AVEN: variants seen among roughly 807,000 people sequenced by gnomAD.
The protein encoded by AVEN is cell death regulator Aven.
A neutral mutation model predicts 38.1 loss-of-function variants in AVEN; 41 were observed. That is an observed-to-expected ratio of 1.08 (90% CI 0.84 to 1.40). The LOEUF (loss-of-function observed/expected upper bound fraction) is 1.40. Ranked by LOEUF, AVEN falls within the 40% of genes most tolerant of loss-of-function variation. The pLI is 0.00. For missense variants in AVEN, 605 were observed against 438.8 expected, an observed-to-expected ratio of 1.38 and a Z score of -3.38; for synonymous variants, 206 against 171.8, an observed-to-expected ratio of 1.20 and a Z score of -1.56.
chr15:33,995,341 T>G (rs1440164326), intron 2 of AVEN, among the ~76,000 whole-genome samples: 1 of 152,188 alleles, frequency 6.6e-6, no homozygotes, highest in African/African-American at 2.4e-5. Flanking sequence ...AATAATACAG[T>G]ATAACTTTAC....
intron 2 of AVEN, among the ~76,000 whole-genome samples, chr15:33,923,879 C>A (rs1449366957): frequency 6.6e-6 from 1 of 151,436 alleles, no homozygotes; most frequent in African/African-American, 2.4e-5. Flanking sequence ...TTATGAGAAT[C>A]TAATGCCTGA....
chr15:34,046,395 T>C (rs1413437730), intron 5 of AVEN: 1 of 149,710 alleles, frequency 6.7e-6, no homozygotes, highest in Non-Finnish European at 1.5e-5. Flanking sequence ...TAAAGGCTAA[T>C]TATATTAATT....
In AVEN at chr15:34,002,931, G is replaced by T. The variant is rs187450705; in HGVS notation, c.445+101C>A. 3.5e-4 allele frequency: 384 copies of T among 1,097,846 alleles called. 3 individuals carry two copies. In the African/African-American group the frequency reaches 5.6e-3, roughly 16 times the overall value. 68.0% of individuals were successfully genotyped at this position (1,097,846 alleles called of 1,614,324 possible). On this transcript the variant is annotated intron_variant, in intron 2 of 5. Transcript: ENST00000306730. ...TTGAATTAAAAATCCAAAGAACAAA[G>T]GATAAATTGCTAGTTATAAAAGTAG...
chr15:33,996,875 T>C (rs1314167162), intron 2 of AVEN, among the ~76,000 whole-genome samples: 1 of 152,114 alleles, frequency 6.6e-6, no homozygotes, highest in African/African-American at 2.4e-5. Flanking sequence ...CTGACAGAAG[T>C]AGGCTTCGGA....
chr15:33,867,377 G>C, intron 5 of AVEN, 118 bp downstream of exon 5: 3 of 1,375,658 alleles, frequency 2.2e-6, no homozygotes, highest in South Asian at 3.0e-5. Context: ...GATGTCAGTG[G>C]ACAACACTGG....
chr15:34,014,208 TGAAAAA>T (rs1897764510), intron 1 of AVEN, among the ~76,000 whole-genome samples: 1 of 150,992 alleles, frequency 6.6e-6, no homozygotes, highest in Admixed American at 6.6e-5. Flanking sequence ...ACTAAAAATA[TGAAAAA>T]TTAGCCAGGC....
At chr15:33,888,851 A>T (rs1240417300) in intron 2 of AVEN, among the ~76,000 whole-genome samples, 2 of 152,050 alleles carry the variant, frequency 1.3e-5, no homozygotes, top group Admixed American at 6.6e-5. Context: ...CCCTGGTTCA[A>T]GTGATTCTCC....
In AVEN at chr15:33,986,108, TTTG is replaced by T. The variant is rs1243306135; in HGVS notation, c.445+16921_445+16923del. On this transcript the variant is annotated intron_variant, in intron 2 of 5. Transcript: ENST00000306730. Reference sequence around the variant, plus strand: ...TCACTGTAAATTTTTTTTTTTGTTTTTTGTTTTTTGTTTTTTGAGATGGACTCT... The same window carrying T: ...TCACTGTAAATTTTTTTTTTTGTTTTTTTTTTGTTTTTTGAGATGGACTCT... Among the ~76,000 whole-genome samples, 9 of 2,540 alleles carry T rather than the reference TTTG, an allele frequency of 3.5e-3. No individual in the cohort carries two copies. In the South Asian group the frequency reaches 0.12, roughly 33 times the overall value. 1.7% of individuals were successfully genotyped at this position (2,540 alleles called of 152,430 possible). A position where few individuals can be genotyped will look rare whatever the true frequency, so the allele number is the denominator to read the frequency against.
chr15:33,890,111 G>C (rs1891873216), intron 2 of AVEN, among the ~76,000 whole-genome samples: 1 of 152,220 alleles, frequency 6.6e-6, no homozygotes, highest in Admixed American at 6.5e-5. Context: ...GTTCATTGAT[G>C]CAAAACATTT....
At position 33,860,886 on chromosome 15, in the gene AVEN, A is replaced by G. The variant is rs191934899; in HGVS notation, n.2730-1792T>C. ...GAGGGAGCAGTATCCTCAGCTAATC[A>G]GGAGCTAAGTGTATGGCACTACTGA... On this transcript the variant is annotated intron_variant and non_coding_transcript_variant, in intron 11 of 11. Transcript: ENST00000675287. 2.9e-3 allele frequency among the ~76,000 whole-genome samples: 437 copies of G among 151,876 alleles called. 2 individuals are homozygous for G. Among genetic ancestry groups the G allele is most frequent in the Non-Finnish European group, 4.9e-3 (334 of 67,976 alleles).
At chr15:34,068,051 G>A (rs1376751555) in intron 2 of AVEN, among the ~76,000 whole-genome samples, 1 of 152,104 alleles carries the variant, frequency 6.6e-6, no homozygotes, top group Admixed American at 6.6e-5. Context: ...GTAATAAGAA[G>A]AACTCCTAAT....
chr15:33,960,062 G>A (rs1295600741), intron 2 of AVEN, among the ~76,000 whole-genome samples: 1 of 152,144 alleles, frequency 6.6e-6, no homozygotes, highest in African/African-American at 2.4e-5. Flanking sequence ...ACCCTTCAGA[G>A]CCTCAACTTC....
downstream of AVEN, among the ~76,000 whole-genome samples, chr15:33,862,644 TC>T (rs1888751878): frequency 6.6e-6 from 1 of 152,066 alleles, no homozygotes; most frequent in Non-Finnish European, 1.5e-5. Flanking sequence ...TGAGACAGTC[TC>T]TGTCACCCAG....
intron 2 of AVEN, among the ~76,000 whole-genome samples, chr15:33,893,828 CAAAG>C (rs1226346126): frequency 6.6e-6 from 1 of 152,024 alleles, no homozygotes; most frequent in African/African-American, 2.4e-5. Context: ...TGCAATAAAT[CAAAG>C]AAGCAGTTGG....
At chr15:33,922,840 G>A (rs150819995) in intron 2 of AVEN, among the ~76,000 whole-genome samples, 2 of 152,204 alleles carry the variant, frequency 1.3e-5, no homozygotes, top group East Asian at 3.9e-4. Context: ...GCTCTTTCTT[G>A]GGTGAGGAAG....
chr15:33,860,191 T>TAAGA (rs1393505266), intron 11 of AVEN, among the ~76,000 whole-genome samples: 1 of 150,536 alleles, frequency 6.6e-6, no homozygotes, highest in Non-Finnish European at 1.5e-5. Flanking sequence ...GAGGAACCTG[T>TAAGA]AAGACATGCA....
intron 1 of AVEN, among the ~76,000 whole-genome samples, chr15:34,037,544 CAT>C (rs1219832252): frequency 6.7e-6 from 1 of 148,782 alleles, no homozygotes; most frequent in African/African-American, 2.4e-5. Context: ...TTCTACATTA[CAT>C]ATATATTATA....
chr15:33,937,193 G>T (rs1894106374), intron 2 of AVEN, among the ~76,000 whole-genome samples: 1 of 146,584 alleles, frequency 6.8e-6, no homozygotes, highest in Non-Finnish European at 1.5e-5. Flanking sequence ...GTGGGAAAAA[G>T]ACAGCTGATT....
intron 2 of AVEN, among the ~76,000 whole-genome samples, chr15:33,983,183 C>CAT (rs1567447610): frequency 1.2e-4 from 12 of 96,884 alleles, no homozygotes; most frequent in African/African-American, 3.9e-4. Context: ...TATATACACA[C>CAT]GTGTGTGTAT....
Sources: gnomAD v4.1 joint callset for allele counts (sites outside exome capture counted in the v4.1 genomes callset) on GRCh38, gnomAD v4.1.1 for gene constraint, MANE v1.5 for transcripts, NCBI Gene and HGNC (gene_info 2026-07-23, HGNC 2026-07-21) for gene names.